FPGT: variants seen among roughly 807,000 people sequenced by gnomAD.
The protein encoded by FPGT is GDP-L-fucose diphosphorylase.
A neutral mutation model predicts 45.8 loss-of-function variants in FPGT; 41 were observed. The observed-to-expected ratio is 0.90, with a 90% confidence interval of 0.70 to 1.16. FPGT has a LOEUF of 1.16. FPGT is among the 50% of genes most tolerant of loss of function. The pLI is 0.00. For missense variants in FPGT, 755 were observed against 689.1 expected, an observed-to-expected ratio of 1.10 and a Z score of -1.07; for synonymous variants, 292 against 247.2, an observed-to-expected ratio of 1.18 and a Z score of -1.70.
intron 1 of FPGT, 100 bp downstream of exon 1, chr1:74,198,460 A>C (rs1379182987): frequency 2.3e-4 from 344 of 1,520,716 alleles, no homozygotes; most frequent in Non-Finnish European, 2.9e-4. Flanking sequence ...TTTACTTCTC[A>C]TCTGTAGGCC....
intron 2 of FPGT, among the ~76,000 whole-genome samples, chr1:74,200,366 A>G (rs774846997): frequency 2.6e-5 from 4 of 152,222 alleles, no homozygotes; most frequent in Admixed American, 1.3e-4. Flanking sequence ...TCTATGTGAT[A>G]CTTAAAGTTG....
intron 1 of FPGT, 81 bp from the exon 2 acceptor site, chr1:74,199,583 C>CAAA: frequency 6.8e-7 from 1 of 1,464,748 alleles, no homozygotes; most frequent in Non-Finnish European, 9.2e-7. Flanking sequence ...CCTTCTTTAT[C>CAAA]ATCTTTCTCA....
In FPGT at chr1:74,207,811, A is replaced by T. The variant is rs577698836; in HGVS notation, c.*1979A>T. 6.6e-6 allele frequency among the ~76,000 whole-genome samples: 1 copy of T among 152,100 alleles called. No homozygotes were observed. The highest frequency in any genetic ancestry group is 2.1e-4 in the South Asian group (1 of 4,826). ...GGTAGCTGTTGTTTAACATTTATCT[A>T]CTTACAGAGCGTTCAGAGGATGTTA... is the stretch of plus-strand genomic sequence containing the variant. On this transcript the variant is annotated 3_prime_UTR_variant, in exon 4 of 4. Coordinates refer to ENST00000370898, the MANE Select transcript of FPGT (RefSeq NM_003838.5).
In FPGT at chr1:74,205,634, A is replaced by G. The variant is rs1189095663; in HGVS notation, c.1587A>G (p.Pro529=). The stretch of plus-strand genomic sequence containing the variant: ...GTTTGTGGACTGCACGCATTTTCCC[A>G]GTTTGTTCTTCTTTGAGTGACTCAG... ...CLSLWTARIF[P]VCSSLSDSVI... is the part of the protein sequence containing the mutation. The change falls in exon 4 of 4, where the codon CCA becomes CCG. Residue 529 remains proline, a synonymous_variant. Coordinates refer to ENST00000370898, the MANE Select transcript of FPGT (RefSeq NM_003838.5). 10 of 1,611,952 alleles carry G rather than the reference A, an allele frequency of 6.2e-6. No homozygotes were observed. In the Admixed American group the frequency reaches 1.7e-4, roughly 27 times the overall value.
In FPGT at chr1:74,201,309, G is replaced by A. The variant is rs371447025; in HGVS notation, c.251-9G>A. 5 of 1,603,848 alleles carry A rather than the reference G, an allele frequency of 3.1e-6. No individual in the cohort carries two copies. In the African/African-American group the frequency reaches 4.0e-5, roughly 13 times the overall value. Reference sequence around the variant, plus strand: ...AAATAAATTGTGCTTTTTTAACTTTGTTTTTAAGGAAATGGAGGATCAACA... The same window carrying A: ...AAATAAATTGTGCTTTTTTAACTTTATTTTTAAGGAAATGGAGGATCAACA... On this transcript the variant is annotated splice_polypyrimidine_tract_variant and intron_variant, in intron 2 of 3. Transcript: ENST00000370898.
In FPGT at chr1:74,207,613, C is replaced by T. The variant is rs549276481; in HGVS notation, c.*1781C>T. Among the ~76,000 whole-genome samples the T allele has an allele frequency of 4.3e-4, 65 of 152,062 alleles. No homozygotes were observed. The highest frequency in any genetic ancestry group is 3.7e-3 in the South Asian group (18 of 4,814). On this transcript the variant is annotated 3_prime_UTR_variant, in exon 4 of 4. Coordinates refer to ENST00000370898, the MANE Select transcript of FPGT (RefSeq NM_003838.5). ...ATCACAGGTCCTTAGAAGATCGGAC[C>T]TGTGATTCTATTCAAAGTCAGAAAG...
Position 74,198,375 on chromosome 1 carries a change from A to G in FPGT, c.82+15A>G. On this transcript the variant is annotated intron_variant, in intron 1 of 3. Transcript: ENST00000370898. ...CGAGCTAAGAGGTACCAGAGAAGGC[A>G]CCGGAGTTCTCCTGGGCAATGCAGA... The G allele has an allele frequency of 6.2e-7, 1 of 1,613,996 alleles. No homozygotes were observed. The highest frequency in any genetic ancestry group is 8.5e-7 in the Non-Finnish European group (1 of 1,179,960).
chr1:74,199,906 T>C lies in FPGT; in HGVS notation c.250+75T>C. The C allele has an allele frequency of 2.6e-6, 4 of 1,517,902 alleles. No individual in the cohort carries two copies. The Middle Eastern group carries it at 5.3e-4, about 200-fold the overall frequency. The allele number at this position is 1,517,902 out of a possible 1,614,324, so 94.0% of individuals were successfully genotyped here. On this transcript the variant is annotated intron_variant, in intron 2 of 3. Coordinates refer to ENST00000370898, the MANE Select transcript of FPGT (RefSeq NM_003838.5). ...CATTGAAGAAAAGGTTTCTGTGACT[T>C]ACAGTGTATAAGCTGCATATCTCTA... is the stretch of plus-strand genomic sequence containing the variant.
At chr1:74,200,310 C>T (rs187370362) in intron 2 of FPGT, among the ~76,000 whole-genome samples, 3 of 152,148 alleles carry the variant, frequency 2.0e-5, no homozygotes, top group African/African-American at 7.2e-5. Flanking sequence ...GCCCTTTGAC[C>T]GTCCATTGCA....
rs949432114 is a variant in FPGT, at chr1:74,207,490, A to C, written c.*1658A>C. 2.0e-5 allele frequency among the ~76,000 whole-genome samples: 3 copies of C among 151,870 alleles called. No individual in the cohort carries two copies. The highest frequency in any genetic ancestry group is 7.3e-5 in the African/African-American group (3 of 41,364). On this transcript the variant is annotated 3_prime_UTR_variant, in exon 4 of 4. Transcript: ENST00000370898. ...ATTTCCTGAGTGCTCTACCACACTT[A>C]TGTCTGGATTTTTTTTACCCAGCTA...
At chr1:74,201,839 T>C (rs1386125409) in intron 3 of FPGT, among the ~76,000 whole-genome samples, 2 of 152,224 alleles carry the variant, frequency 1.3e-5, no homozygotes, top group Non-Finnish European at 2.9e-5. Context: ...TTGCTGCACC[T>C]GTCAACCCAT....
chr1:74,199,141 A>T (rs914284034), intron 1 of FPGT, among the ~76,000 whole-genome samples: 1 of 152,184 alleles, frequency 6.6e-6, no homozygotes, highest in Admixed American at 6.5e-5. Flanking sequence ...CTAACAGCCT[A>T]TGTAAGTTTG....
At position 74,198,472 on chromosome 1, in the gene FPGT, A is replaced by G. The variant is rs758848042; in HGVS notation, c.82+112A>G. ...CCGTTTACTTCTCATCTGTAGGCCTATGACGCTCCCCAGGAGTAGCTAGCT... is the reference window on the plus strand; with the variant it reads ...CCGTTTACTTCTCATCTGTAGGCCTGTGACGCTCCCCAGGAGTAGCTAGCT... On this transcript the variant is annotated intron_variant, in intron 1 of 3. Transcript: ENST00000370898. 1.4e-5 allele frequency: 20 copies of G among 1,450,660 alleles called. No homozygotes were observed. In the South Asian group the frequency reaches 1.5e-4, roughly 11 times the overall value. 89.9% of individuals were successfully genotyped at this position (1,450,660 alleles called of 1,614,324 possible).
In FPGT at chr1:74,207,925, A is replaced by G. The variant is rs965771723; in HGVS notation, c.*2093A>G. Among the ~76,000 whole-genome samples the G allele has an allele frequency of 1.3e-5, 2 of 152,010 alleles. No homozygotes were observed. Among genetic ancestry groups the G allele is most frequent in the Admixed American group, 6.6e-5 (1 of 15,238 alleles). On this transcript the variant is annotated 3_prime_UTR_variant, in exon 4 of 4. Transcript: ENST00000370898. The stretch of plus-strand genomic sequence containing the variant: ...CAATGCATGGATTCTGGTTGCTTTG[A>G]AATGGTTCTGTTCAAAGGACTTATC...
rs1050220343 is a variant in FPGT at position 74,207,003 on chromosome 1, T to G, written c.*1171T>G. Reference sequence around the variant, plus strand: ...CTCAGTTATGATACTTATGTGCGTGTTTTTTTTTCCAAAGTTTTTCCCAAG... The same window carrying G: ...CTCAGTTATGATACTTATGTGCGTGGTTTTTTTTCCAAAGTTTTTCCCAAG... On this transcript the variant is annotated 3_prime_UTR_variant, in exon 4 of 4. Coordinates refer to ENST00000370898, the MANE Select transcript of FPGT (RefSeq NM_003838.5). 7 of 150,910 alleles carry G rather than the reference T, an allele frequency of 4.6e-5. No homozygotes were observed. The highest frequency in any genetic ancestry group is 1.5e-4 in the African/African-American group (6 of 41,128). The allele number at this position is 150,910 out of a possible 1,614,324, so 9.3% of individuals were successfully genotyped here. A position where few individuals can be genotyped will look rare whatever the true frequency, so the allele number is the denominator to read the frequency against.
At position 74,204,648 on chromosome 1, in the gene FPGT, A is replaced by C; in HGVS notation, c.601A>C (p.Thr201Pro). The C allele has an allele frequency of 6.2e-7, 1 of 1,613,598 alleles. No individual in the cohort carries two copies. The highest frequency in any genetic ancestry group is 8.5e-7 in the Non-Finnish European group (1 of 1,179,530). ...LAHPSSLTIG[T>P]THGVFVLDPF... ...TCATCCTTCTAGTTTGACGATAGGT[A>C]CCACACATGGAGTATTTGTCTTAGA... Residue 201 changes from threonine to proline, a missense_variant, in exon 4 of 4, where the codon ACC becomes CCC. Coordinates refer to ENST00000370898, the MANE Select transcript of FPGT (RefSeq NM_003838.5).
At chr1:74,203,452 G>T (rs974795649) in intron 3 of FPGT, among the ~76,000 whole-genome samples, 2 of 151,232 alleles carry the variant, frequency 1.3e-5, no homozygotes, top group Non-Finnish European at 2.9e-5. Context: ...GCAGTGGCAC[G>T]ATCTCCGCTC....
Position 74,205,135 on chromosome 1 carries a change from A to G in FPGT, c.1088A>G (p.Glu363Gly), listed in dbSNP as rs1376177668. ...NSKFYHIGTT[E>G]EYLFYFTSDN... The stretch of plus-strand genomic sequence containing the variant: ...AAATTTTATCACATTGGAACAACCG[A>G]AGAATATTTGTTTTACTTTACCTCA... The change falls in exon 4 of 4, where the codon GAA (glutamate) becomes GGA (glycine). Residue 363 changes from glutamate (E) to glycine (G), a missense_variant. Transcript: ENST00000370898. The G allele has an allele frequency of 6.2e-7, 1 of 1,613,700 alleles. No homozygotes were observed. The highest frequency in any genetic ancestry group is 1.7e-5 in the Admixed American group (1 of 60,018).
In FPGT at chr1:74,198,317, A is replaced by G. The variant is rs201008457; in HGVS notation, c.39A>G (p.Arg13=). ...AARDPPEVSL[R]EATQRKLRRF... ...GGGACCCTCCGGAAGTATCGCTGCGAGAAGCCACCCAGCGAAAATTGCGGA... is the reference window on the plus strand; with the variant it reads ...GGGACCCTCCGGAAGTATCGCTGCGGGAAGCCACCCAGCGAAAATTGCGGA... Residue 13 remains arginine, a synonymous_variant, in exon 1 of 4, where the codon CGA becomes CGG. Transcript: ENST00000370898. 7 of 1,614,184 alleles carry G rather than the reference A, an allele frequency of 4.3e-6. No individual in the cohort carries two copies. Among genetic ancestry groups the G allele is most frequent in the Non-Finnish European group, 5.1e-6 (6 of 1,180,040 alleles).
Sources: allele counts gnomAD v4.1 joint callset (sites outside exome capture counted in the v4.1 genomes callset), GRCh38; gene constraint gnomAD v4.1.1; transcripts MANE v1.5; gene names NCBI Gene and HGNC (gene_info 2026-07-23, HGNC 2026-07-21).